DOK6: variants seen among roughly 807,000 people sequenced by gnomAD.
The protein encoded by DOK6 is downstream of tyrosine kinase 6.
DOK6 carries 22 observed loss-of-function variants against 44.0 expected under a neutral mutation model. That is an observed-to-expected ratio of 0.50 (90% CI 0.36 to 0.71). DOK6 has a LOEUF of 0.71. Ranked by LOEUF, DOK6 falls within the 30% of genes least tolerant of loss-of-function variation. DOK6 has a pLI of 0.00. For synonymous variants in DOK6, 166 were observed against 145.5 expected, an observed-to-expected ratio of 1.14 and a Z score of -1.01; for missense variants, 340 against 416.4, an observed-to-expected ratio of 0.82 and a Z score of 1.60.
At chr18:69,674,615 C>T (rs143007783) in intron 3 of DOK6, among the ~76,000 whole-genome samples, 4 of 152,126 alleles carry the variant, frequency 2.6e-5, no homozygotes, top group African/African-American at 9.6e-5. Context: ...ACACATTACA[C>T]ATACAGTGCT....
intron 1 of DOK6, among the ~76,000 whole-genome samples, chr18:69,423,670 T>C (rs991068520): frequency 3.9e-5 from 6 of 152,260 alleles, no homozygotes; most frequent in Non-Finnish European, 8.8e-5. Context: ...TGCTCATGAT[T>C]GTTTTAATTT....
At chr18:69,427,441 C>T (rs1978672558) in intron 1 of DOK6, among the ~76,000 whole-genome samples, 1 of 152,116 alleles carries the variant, frequency 6.6e-6, no homozygotes, top group Admixed American at 6.5e-5. Flanking sequence ...CCATCTGACA[C>T]CAGTCAAACT....
chr18:69,757,835 C>T lies in DOK6; in HGVS notation c.818C>T (p.Thr273Ile), dbSNP rs777233119. The change falls in exon 7 of 8, where the codon ACT becomes ATT. Residue 273 changes from threonine to isoleucine, a missense_variant. Physicochemically the swap from Thr to Ile is moderately conservative, Grantham distance 89. Around this residue, in one of 3 missense-constraint regions of DOK6, gnomAD observed 112 missense variants for 109.3 expected, o/e 1.02. Transcript: ENST00000382713. ...LPRSAYWHHI[T>I]RQNSVGEIYS... ...CGCAGCGCGTACTGGCATCACATCA[C>T]TCGTCAGAACAGCGTTGGTGAAATC... The T allele has an allele frequency of 4.0e-5, 64 of 1,614,080 alleles. No individual in the cohort carries two copies. Among genetic ancestry groups the T allele is most frequent in the Non-Finnish European group, 5.3e-5 (62 of 1,180,008 alleles).
At chr18:69,661,122 G>T (rs910350742) in intron 3 of DOK6, 2 of 152,164 alleles carry the variant, frequency 1.3e-5, no homozygotes, top group Non-Finnish European at 2.9e-5. Context: ...ACCATACCCT[G>T]GATGCTTATA....
At chr18:69,629,465 C>T (rs901248849) in intron 3 of DOK6, among the ~76,000 whole-genome samples, 1 of 152,138 alleles carries the variant, frequency 6.6e-6, no homozygotes, top group Non-Finnish European at 1.5e-5. Flanking sequence ...GGCTCTTTTG[C>T]TCCGACATCT....
intron 1 of DOK6, among the ~76,000 whole-genome samples, chr18:69,556,704 A>AT (rs532991742): frequency 4.3e-4 from 65 of 152,344 alleles, no homozygotes; most frequent in African/African-American, 1.6e-3. Flanking sequence ...AATAAGAGGA[A>AT]TTGTAGCATT....
intron 3 of DOK6, among the ~76,000 whole-genome samples, chr18:69,615,038 T>C (rs1984252865): frequency 6.6e-6 from 1 of 152,144 alleles, no homozygotes; most frequent in Non-Finnish European, 1.5e-5. Flanking sequence ...GCCACAAAGC[T>C]GATTTAATAA....
In DOK6 at chr18:69,747,339, G is replaced by A. The variant is rs768614868; in HGVS notation, c.738+8236G>A. 7.4e-4 allele frequency among the ~76,000 whole-genome samples: 113 copies of A among 152,114 alleles called. 1 individual carries two copies. The highest frequency in any genetic ancestry group is 1.4e-3 in the Non-Finnish European group (98 of 68,024). On this transcript the variant is annotated intron_variant, in intron 6 of 7. Coordinates refer to ENST00000382713, the MANE Select transcript of DOK6 (RefSeq NM_152721.6). ...TTATACAAATGAATTTTATGTAAAT[G>A]AACACAAATTAGCATCAATGTTCAT...
intron 7 of DOK6, among the ~76,000 whole-genome samples, chr18:69,821,619 C>A (rs547614289): frequency 1.3e-5 from 2 of 152,214 alleles, no homozygotes; most frequent in South Asian, 4.2e-4. Flanking sequence ...TTAAAACACG[C>A]TTCACTCTTT....
intron 7 of DOK6, among the ~76,000 whole-genome samples, chr18:69,761,622 A>C (rs1054659838): frequency 1.3e-5 from 2 of 152,048 alleles, no homozygotes; most frequent in African/African-American, 4.8e-5. Flanking sequence ...GTCAGGGCTG[A>C]GTTGGCTGCA....
chr18:69,619,991 GTA>G (rs1984402548), intron 3 of DOK6, among the ~76,000 whole-genome samples: 1 of 151,958 alleles, frequency 6.6e-6, no homozygotes, highest in South Asian at 2.1e-4. Flanking sequence ...TGTTAAATTA[GTA>G]TGTTTTGATT....
At chr18:69,627,483 T>C (rs1180595517) in intron 3 of DOK6, among the ~76,000 whole-genome samples, 2 of 152,140 alleles carry the variant, frequency 1.3e-5, no homozygotes, top group Non-Finnish European at 1.5e-5. Context: ...GAGTCTCGCT[T>C]TGTCCCCCAG....
chr18:69,747,827 C>T (rs549129262), intron 6 of DOK6, among the ~76,000 whole-genome samples: 37 of 152,224 alleles, frequency 2.4e-4, no homozygotes, highest in Non-Finnish European at 4.1e-4. Context: ...TTCCTCACTC[C>T]GTAGCAGTCT....
At chr18:69,603,369 G>A (rs1983916565) in intron 3 of DOK6, among the ~76,000 whole-genome samples, 1 of 152,124 alleles carries the variant, frequency 6.6e-6, no homozygotes, top group East Asian at 1.9e-4. Flanking sequence ...AGAGTGCCCT[G>A]TAGACATTTG....
chr18:69,641,381 A>T (rs1231787837), intron 3 of DOK6, among the ~76,000 whole-genome samples: 1 of 152,224 alleles, frequency 6.6e-6, no homozygotes, highest in Non-Finnish European at 1.5e-5. Flanking sequence ...AACAATAGCA[A>T]TAACACCTTA....
At chr18:69,639,722 TG>T (rs1443337364) in intron 3 of DOK6, among the ~76,000 whole-genome samples, 4 of 151,104 alleles carry the variant, frequency 2.6e-5, no homozygotes, top group Non-Finnish European at 5.9e-5. Context: ...GAAGAAAGAG[TG>T]GGGAGGAAAT....
chr18:69,409,455 A>T (rs553732240), intron 1 of DOK6, among the ~76,000 whole-genome samples: 1 of 152,248 alleles, frequency 6.6e-6, no homozygotes, highest in Non-Finnish European at 1.5e-5. Context: ...ACATATATAC[A>T]TATATAATGT....
chr18:69,617,730 G>GA, intron 3 of DOK6, among the ~76,000 whole-genome samples: 1 of 88,796 alleles, frequency 1.1e-5, no homozygotes, highest in African/African-American at 3.6e-5. Context: ...AAAGAAAAAA[G>GA]GGGGAAGGAG....
At chr18:69,423,728 AACT>A (rs1269660197) in intron 1 of DOK6, among the ~76,000 whole-genome samples, 1 of 152,226 alleles carries the variant, frequency 6.6e-6, no homozygotes, top group African/African-American at 2.4e-5. Flanking sequence ...CCTCAGCAAA[AACT>A]ACTATTGCCA....
Sources: allele counts gnomAD v4.1 joint callset (sites outside exome capture counted in the v4.1 genomes callset), GRCh38; gene constraint gnomAD v4.1.1; regional missense constraint gnomAD v4.1.1; transcripts MANE v1.5; gene names NCBI Gene and HGNC (gene_info 2026-07-23, HGNC 2026-07-21).